Variants in ZNF18 observed in about 807,000 individuals in gnomAD.
The protein encoded by ZNF18 is zinc finger protein 18, also known as heart development-specific gene 1 protein.
Under a neutral mutation model 58.1 loss-of-function variants are expected in ZNF18, and 42 were observed. The ratio of observed to expected loss-of-function variants is 0.72; its 90% CI spans 0.56 to 0.93. ZNF18 has a LOEUF of 0.93. Among genes scored for constraint, ZNF18 ranks in the 40% least tolerant of loss-of-function variants. ZNF18 has a pLI of 0.00. For missense variants in ZNF18, 540 were observed against 644.2 expected (o/e 0.84, Z 1.75); for synonymous variants, 231 against 239.8 (o/e 0.96, Z 0.34).
At chr17:12,021,268 G>T in the ZNF18 span, 1 of 246,502 alleles carries the variant, frequency 4.1e-6, no homozygotes. Flanking sequence ...GGCCCGCAGG[G>T]CCCACCTGGT....
In ZNF18 at chr17:11,977,988, C is replaced by T. The variant is rs1248661439; in HGVS notation, c.1619G>A (p.Arg540Lys). 2 of 1,589,262 alleles carry T rather than the reference C, an allele frequency of 1.3e-6. No individual in the cohort carries two copies. The highest frequency in any genetic ancestry group is 1.7e-6 in the Non-Finnish European group (2 of 1,168,172). The stretch of plus-strand genomic sequence containing the variant: ...AAAGGGCTTCTTTCCTAAGTGGGAT[C>T]TTTGATGTTTGTCAAGGCTCGAGCT... ...SWSSSLDKHQ[R>K]SHLGKKPFQ Residue 540 changes from arginine (R) to lysine (K), a missense_variant, in exon 7 of 7, where the codon AGA (arginine) becomes AAA (lysine). Transcript: ENST00000580306.
At chr17:12,011,125 A>C in the ZNF18 span, 3 of 646,414 alleles carry the variant, frequency 4.6e-6, no homozygotes, top group Non-Finnish European at 8.5e-6. Context: ...CCTTTCTTCT[A>C]GATTCGCCTG....
At position 11,977,887 on chromosome 17, in the gene ZNF18, C is replaced by G; in HGVS notation, c.*70G>C. 1 of 1,500,306 alleles carries G rather than the reference C, an allele frequency of 6.7e-7. No individual in the cohort carries two copies. Among genetic ancestry groups the G allele is most frequent in the Non-Finnish European group, 8.9e-7 (1 of 1,119,592 alleles). 92.9% of individuals were successfully genotyped at this position (1,500,306 alleles called of 1,614,324 possible). On this transcript the variant is annotated 3_prime_UTR_variant, in exon 7 of 7. Transcript: ENST00000580306. Reference sequence around the variant, plus strand: ...GGGTATCCTCTTAGACACAATTCCTCTTGATGGAGCTGAGTATTTTTGTGA... The same window carrying G: ...GGGTATCCTCTTAGACACAATTCCTGTTGATGGAGCTGAGTATTTTTGTGA...
the ZNF18 span, chr17:12,002,504 C>T: frequency 6.6e-5 from 10 of 152,122 alleles, no homozygotes; most frequent in Non-Finnish European, 1.0e-4. Flanking sequence ...TCTTTGTTCC[C>T]ATTGTAGAGA....
At chr17:11,986,254 G>A (rs1038689187) in intron 4 of ZNF18, among the ~76,000 whole-genome samples, 5 of 152,230 alleles carry the variant, frequency 3.3e-5, no homozygotes, top group Non-Finnish European at 7.3e-5. Context: ...GGAATTGTAA[G>A]TCCAATTAAA....
chr17:12,011,929 G>C, the ZNF18 span, among the ~76,000 whole-genome samples: 12 of 151,824 alleles, frequency 7.9e-5, no homozygotes, highest in African/African-American at 2.4e-4. Context: ...TTGAACTCCT[G>C]ACCTCGTGAT....
upstream of ZNF18, chr17:11,998,409 T>A (rs1567612190): frequency 1.3e-5 from 2 of 152,108 alleles, no homozygotes. Flanking sequence ...GCTGCCATGT[T>A]CCCCAATAAC....
chr17:12,004,645 T>C, the ZNF18 span, among the ~76,000 whole-genome samples: 1 of 152,118 alleles, frequency 6.6e-6, no homozygotes, highest in Non-Finnish European at 1.5e-5. Flanking sequence ...CCCAGCACTT[T>C]GGGAGGCCGA....
chr17:12,008,857 A>G, the ZNF18 span, among the ~76,000 whole-genome samples: 1 of 152,206 alleles, frequency 6.6e-6, no homozygotes, highest in African/African-American at 2.4e-5. Context: ...CCCAAAAGAG[A>G]AATAGGAAGG....
chr17:11,979,129 T>TAA lies in ZNF18; in HGVS notation c.863-387_863-386dup, dbSNP rs58938122. ...ATATATAAAAGATAAATATGGTAAC[T>TAA]AAAAAAAAAAACTGAAGAGAGAGAA... On this transcript the variant is annotated intron_variant, in intron 6 of 6. Coordinates refer to ENST00000580306, the MANE Select transcript of ZNF18 (RefSeq NM_001303281.2). Among the ~76,000 whole-genome samples, 85 of 145,668 alleles carry TAA rather than the reference T, an allele frequency of 5.8e-4. 1 individual carries two copies. The highest frequency in any genetic ancestry group is 4.5e-3 in the South Asian group (21 of 4,634).
upstream of ZNF18, among the ~76,000 whole-genome samples, chr17:12,000,983 C>T (rs1024188304): frequency 6.6e-6 from 1 of 152,146 alleles, no homozygotes. Flanking sequence ...ATTAGGAGAT[C>T]TTACAGCATG....
intron 6 of ZNF18, among the ~76,000 whole-genome samples, chr17:11,980,297 AT>A (rs1967254609): frequency 6.6e-6 from 1 of 152,210 alleles, no homozygotes; most frequent in Non-Finnish European, 1.5e-5. Context: ...TCTTTATCAC[AT>A]TTATGAGCTA....
intron 4 of ZNF18, among the ~76,000 whole-genome samples, chr17:11,984,639 G>A (rs1272490330): frequency 6.6e-5 from 10 of 151,688 alleles, no homozygotes; most frequent in Non-Finnish European, 1.3e-4. Context: ...TCAGCTTCCC[G>A]AGGAAGCTTG....
At chr17:12,020,401 CA>C in the ZNF18 span, among the ~76,000 whole-genome samples, 1 of 152,142 alleles carries the variant, frequency 6.6e-6, no homozygotes, top group Non-Finnish European at 1.5e-5. Flanking sequence ...AGAGGAGTTC[CA>C]GACTGTAACC....
the ZNF18 span, chr17:12,021,133 T>G: frequency 2.2e-6 from 1 of 452,008 alleles, no homozygotes. Context: ...CCTCTCTCCC[T>G]CCCCGGCTTC....
the ZNF18 span, among the ~76,000 whole-genome samples, chr17:12,014,961 C>T: frequency 3.1e-4 from 47 of 151,922 alleles, no homozygotes; most frequent in South Asian, 9.1e-3. Flanking sequence ...TGCAGGAGAA[C>T]GGCGTGAACC....
At chr17:12,014,606 T>C in the ZNF18 span, among the ~76,000 whole-genome samples, 6,183 of 152,266 alleles carry the variant, frequency 0.041, 405 homozygotes, top group African/African-American at 0.14. Context: ...TATAGAGACA[T>C]AAAGTAGATT....
intron 4 of ZNF18, among the ~76,000 whole-genome samples, chr17:11,986,311 C>T (rs567008302): frequency 3.0e-4 from 46 of 152,278 alleles, no homozygotes; most frequent in African/African-American, 1.0e-3. Flanking sequence ...TCTTTATCAG[C>T]GGTGTGAAAA....
At chr17:11,980,134 C>T (rs186591177) in intron 6 of ZNF18, among the ~76,000 whole-genome samples, 90 of 152,332 alleles carry the variant, frequency 5.9e-4, no homozygotes, top group Admixed American at 1.2e-3. Context: ...TCCAGAACAA[C>T]TCTGCCATCC....
Sources: allele counts gnomAD v4.1 joint callset (sites outside exome capture counted in the v4.1 genomes callset), GRCh38; gene constraint gnomAD v4.1.1; transcripts MANE v1.5; gene names NCBI Gene and HGNC (gene_info 2026-07-23, HGNC 2026-07-21).